PRKCA: variants seen among roughly 807,000 people sequenced by gnomAD.
PRKCA encodes the protein protein kinase C alpha, also known as protein kinase C alpha type.
Under a neutral mutation model 87.0 loss-of-function variants are expected in PRKCA, and 27 were observed. The ratio of observed to expected loss-of-function variants is 0.31; its 90% confidence interval spans 0.23 to 0.43. PRKCA has a LOEUF of 0.43. Ranked by LOEUF, PRKCA falls within the 20% of genes least tolerant of loss-of-function variation. The pLI, the probability that PRKCA is intolerant of heterozygous loss-of-function variation, is 1.00. For synonymous variants in PRKCA, 329 were observed against 311.1 expected, an observed-to-expected ratio of 1.06 and a Z score of -0.61; for missense variants, 518 against 852.3, an observed-to-expected ratio of 0.61 and a Z score of 4.88.
rs575650784 is a variant in PRKCA at position 66,348,224 on chromosome 17, G to A, written c.205+42097G>A. The stretch of plus-strand genomic sequence containing the variant: ...CGTAAAGTGCTGTGATTATAGGTGT[G>A]AGCCACCATGCCTGGCCCAGAATCA... On this transcript the variant is annotated intron_variant, in intron 2 of 16. Transcript: ENST00000413366. 3.3e-5 allele frequency among the ~76,000 whole-genome samples: 5 copies of A among 152,100 alleles called. No individual in the cohort carries two copies. The South Asian group carries it at 1.0e-3, about 32-fold the overall frequency.
chr17:66,534,891 C>G (rs1050666952), intron 3 of PRKCA, among the ~76,000 whole-genome samples: 4 of 152,040 alleles, frequency 2.6e-5, no homozygotes, highest in African/African-American at 4.8e-5. Context: ...TTTTATTAAT[C>G]CGGAGATTTC....
intron 2 of PRKCA, among the ~76,000 whole-genome samples, chr17:66,461,042 C>T (rs1914826442): frequency 6.6e-6 from 1 of 151,890 alleles, no homozygotes; most frequent in Non-Finnish European, 1.5e-5. Context: ...CCCATCTCTA[C>T]AAAAAATACA....
At chr17:66,322,642 T>TTG (rs1555582884) in intron 2 of PRKCA, among the ~76,000 whole-genome samples, 1 of 149,744 alleles carries the variant, frequency 6.7e-6, no homozygotes, top group African/African-American at 2.5e-5. Context: ...TTTAATTGTT[T>TTG]TTTTTTTTTT....
chr17:66,624,787 C>CAAAT (rs3064605), intron 3 of PRKCA, among the ~76,000 whole-genome samples: 24,002 of 143,496 alleles, frequency 0.17, 2,187 homozygotes, highest in African/African-American at 0.25. Flanking sequence ...GACTCCATCT[C>CAAAT]AAATAAATAA....
intron 13 of PRKCA, among the ~76,000 whole-genome samples, chr17:66,766,644 C>A (rs1300360528): frequency 6.6e-6 from 1 of 151,908 alleles, no homozygotes; most frequent in Non-Finnish European, 1.5e-5. Context: ...CCTGTCTCTA[C>A]TAAAAATACA....
chr17:66,564,940 A>G (rs758515957), intron 3 of PRKCA, among the ~76,000 whole-genome samples: 34 of 152,258 alleles, frequency 2.2e-4, no homozygotes, highest in Non-Finnish European at 3.7e-4. Flanking sequence ...AGATCACGCC[A>G]CTGCACTCCA....
chr17:66,739,079 A>G (rs897516517), intron 11 of PRKCA, among the ~76,000 whole-genome samples: 4 of 152,080 alleles, frequency 2.6e-5, no homozygotes, highest in Admixed American at 2.6e-4. Flanking sequence ...ATGGGGTTTC[A>G]CCATCTTGCC....
At chr17:66,467,660 C>A (rs1043266381) in intron 2 of PRKCA, among the ~76,000 whole-genome samples, 1 of 152,164 alleles carries the variant, frequency 6.6e-6, no homozygotes, top group Non-Finnish European at 1.5e-5. Context: ...TGGGCTCAAG[C>A]GATCCTCCTG....
intron 14 of PRKCA, chr17:66,775,897 C>T (rs550635577): frequency 5.5e-6 from 2 of 361,044 alleles, no homozygotes; most frequent in African/African-American, 4.4e-5. Flanking sequence ...TATAACACAG[C>T]AGAGGTAAGC....
intron 2 of PRKCA, among the ~76,000 whole-genome samples, chr17:66,464,047 T>A (rs757917119): frequency 6.6e-6 from 1 of 152,212 alleles, no homozygotes; most frequent in Non-Finnish European, 1.5e-5. Context: ...CCCTTTTTCT[T>A]CCAACCCTTA....
chr17:66,378,414 T>C (rs1909594855), intron 2 of PRKCA, among the ~76,000 whole-genome samples: 1 of 152,196 alleles, frequency 6.6e-6, no homozygotes, highest in Non-Finnish European at 1.5e-5. Context: ...ATTCACCATT[T>C]TGGTGGTTTT....
chr17:66,798,869 G>GTTT (rs1975780353), intron 16 of PRKCA, among the ~76,000 whole-genome samples: 3 of 19,352 alleles, frequency 1.6e-4, no homozygotes, highest in Non-Finnish European at 3.8e-4. Context: ...GGTGGTGGTG[G>GTTT]TGGTGGTGAT....
At chr17:66,441,685 G>C (rs1216248369) in intron 2 of PRKCA, among the ~76,000 whole-genome samples, 1 of 152,150 alleles carries the variant, frequency 6.6e-6, no homozygotes, top group African/African-American at 2.4e-5. Flanking sequence ...GATAGCTGCT[G>C]TGCGGTTTTT....
chr17:66,410,732 C>T (rs527966324), intron 2 of PRKCA, among the ~76,000 whole-genome samples: 6 of 152,170 alleles, frequency 3.9e-5, no homozygotes, highest in Non-Finnish European at 5.9e-5. Flanking sequence ...TATACCACCA[C>T]GCCTGGCTAA....
At chr17:66,476,041 G>T (rs375417707) in intron 2 of PRKCA, among the ~76,000 whole-genome samples, 1 of 152,074 alleles carries the variant, frequency 6.6e-6, no homozygotes, top group African/African-American at 2.4e-5. Flanking sequence ...GGGATTACAC[G>T]TGCCTGCCAC....
At chr17:66,783,057 C>T (rs969631973) in intron 14 of PRKCA, among the ~76,000 whole-genome samples, 2 of 152,166 alleles carry the variant, frequency 1.3e-5, no homozygotes, top group Admixed American at 6.5e-5. Context: ...AGACTCACAG[C>T]GGTGAAAAAC....
intron 2 of PRKCA, among the ~76,000 whole-genome samples, chr17:66,357,890 G>C (rs917555723): frequency 6.7e-6 from 1 of 148,726 alleles, no homozygotes; most frequent in Non-Finnish European, 1.5e-5. Context: ...TGGAAGTGCA[G>C]ATGGACAACA....
intron 2 of PRKCA, among the ~76,000 whole-genome samples, chr17:66,345,377 T>G (rs2143384296): frequency 6.6e-6 from 1 of 152,332 alleles, no homozygotes; most frequent in East Asian, 1.9e-4. Flanking sequence ...TGGACAATTA[T>G]CTTTCAGTTT....
rs114245182 is a variant in PRKCA at position 66,310,044 on chromosome 17, G to A, written c.205+3917G>A. ...TGCTTTCAGTACTGGAAAAGGGAAAGAGCCAACTCGATTTTTTTCCCCCTC... is the reference window on the plus strand; with the variant it reads ...TGCTTTCAGTACTGGAAAAGGGAAAAAGCCAACTCGATTTTTTTCCCCCTC... On this transcript the variant is annotated intron_variant, in intron 2 of 16. Transcript: ENST00000413366. Among the ~76,000 whole-genome samples, 918 of 152,222 alleles carry A rather than the reference G, an allele frequency of 6.0e-3. 9 individuals are homozygous for A. The highest frequency in any genetic ancestry group is 0.021 in the African/African-American group (877 of 41,522).
Sources: allele counts gnomAD v4.1 joint callset (sites outside exome capture counted in the v4.1 genomes callset), GRCh38; gene constraint gnomAD v4.1.1; transcripts MANE v1.5; gene names NCBI Gene and HGNC (gene_info 2026-07-23, HGNC 2026-07-21).